The following NOX3 variants were observed in gnomAD, a reference collection of about 807,000 sequenced individuals.
The protein encoded by NOX3 is NADPH oxidase catalytic subunit-like 3.
Under a neutral mutation model 76.7 loss-of-function variants are expected in NOX3, and 74 were observed. The observed-to-expected ratio is 0.96, with a 90% CI of 0.80 to 1.17. The LOEUF (loss-of-function observed/expected upper bound fraction) is 1.17, where lower values mean the gene tolerates loss of function less well. Ranked by LOEUF, NOX3 falls within the 50% of genes most tolerant of loss-of-function variation. The probability of loss-of-function intolerance (pLI) is 0.00; values close to 1 mark genes in which losing one functional copy is unlikely to be tolerated. For missense variants in NOX3, 695 were observed against 703.3 expected, an observed-to-expected ratio of 0.99 and a Z score of 0.13; for synonymous variants, 263 against 261.1, an observed-to-expected ratio of 1.01 and a Z score of -0.07.
intron 10 of NOX3, among the ~76,000 whole-genome samples, chr6:155,411,673 A>G (rs1179645113): frequency 1.3e-5 from 2 of 152,244 alleles, no homozygotes; most frequent in African/African-American, 4.8e-5. Context: ...AATAATCATA[A>G]CTAGCTGTGC....
At chr6:155,399,784 G>T (rs1243711946) in intron 12 of NOX3, among the ~76,000 whole-genome samples, 1 of 151,902 alleles carries the variant, frequency 6.6e-6, no homozygotes, top group Non-Finnish European at 1.5e-5. Flanking sequence ...ACCCTAATGG[G>T]GTTGGTAAAG....
intron 9 of NOX3, among the ~76,000 whole-genome samples, chr6:155,428,579 T>C (rs2076471): frequency 0.23 from 32,637 of 144,108 alleles, 3,804 homozygotes; most frequent in Non-Finnish European, 0.27. Context: ...AACATTAGTC[T>C]TTTTTTCTTT....
chr6:155,396,122 A>G (rs892284037), intron 13 of NOX3, among the ~76,000 whole-genome samples: 7 of 152,202 alleles, frequency 4.6e-5, no homozygotes, highest in African/African-American at 1.7e-4. Context: ...GAAGGGCTTG[A>G]ATATATATCC....
rs773897630 is a variant in NOX3 at position 155,428,823 on chromosome 6, C to T, written c.1116G>A (p.Gln372=). 6 of 1,552,220 alleles carry T rather than the reference C, an allele frequency of 3.9e-6. No homozygotes were observed. Among genetic ancestry groups the T allele is most frequent in the Non-Finnish European group, 5.2e-6 (6 of 1,144,444 alleles). The change falls in exon 9 of 14, where the codon CAG becomes CAA. Residue 372 remains glutamine, a synonymous_variant. Transcript: ENST00000159060. ...GCAGGCTCCAGGGCTCCTGGAGGGC[C>T]TGTCCCTCTGCCCCAAAGGCCTCCA... ...ALLEAFGAEG[Q]ALQEPWSLPR...
chr6:155,398,357 T>C (rs1023421264), intron 12 of NOX3, among the ~76,000 whole-genome samples: 1 of 152,186 alleles, frequency 6.6e-6, no homozygotes, highest in African/African-American at 2.4e-5. Flanking sequence ...CACTATACCA[T>C]CTCTGTTTCT....
chr6:155,411,491 G>A (rs1229992698), intron 10 of NOX3, 131 bp from the exon 11 acceptor site: 1 of 670,452 alleles, frequency 1.5e-6, no homozygotes, highest in East Asian at 3.1e-5. Flanking sequence ...GCTTTTTTTT[G>A]TGTGTGTCAG....
intron 7 of NOX3, among the ~76,000 whole-genome samples, chr6:155,434,393 T>C (rs913636579): frequency 3.3e-5 from 5 of 152,226 alleles, no homozygotes; most frequent in Non-Finnish European, 7.3e-5. Flanking sequence ...ACCAGGAATC[T>C]GGAGTCCTGT....
At chr6:155,404,398 C>T (rs1320893421) in intron 12 of NOX3, among the ~76,000 whole-genome samples, 1 of 151,978 alleles carries the variant, frequency 6.6e-6, no homozygotes, top group Admixed American at 6.6e-5. Context: ...GGAAGCACCT[C>T]ATTTGGAGAG....
In NOX3 at chr6:155,453,396, G is replaced by C. The variant is rs1777171786; in HGVS notation, c.340+8C>G. On this transcript the variant is annotated splice_region_variant and intron_variant, in intron 4 of 13. Coordinates refer to ENST00000159060, the MANE Select transcript of NOX3 (RefSeq NM_015718.3). Reference sequence around the variant, plus strand: ...GTAAAATCCATTGAGCAATTAATAAGTACTTACTTGCATTAACAGCTATCC... The same window carrying C: ...GTAAAATCCATTGAGCAATTAATAACTACTTACTTGCATTAACAGCTATCC... The C allele has an allele frequency of 6.3e-7, 1 of 1,588,774 alleles. No homozygotes were observed. The highest frequency in any genetic ancestry group is 1.7e-5 in the Admixed American group (1 of 59,964).
intron 10 of NOX3, among the ~76,000 whole-genome samples, chr6:155,417,112 C>T (rs369270970): frequency 5.3e-5 from 8 of 152,110 alleles, no homozygotes; most frequent in African/African-American, 1.9e-4. Context: ...CTATGGAATA[C>T]TCTAAAGACA....
chr6:155,402,866 CT>C (rs1779250055), intron 12 of NOX3, among the ~76,000 whole-genome samples: 1 of 152,248 alleles, frequency 6.6e-6, no homozygotes, highest in Non-Finnish European at 1.5e-5. Context: ...AACAAAGAAC[CT>C]TTTCTGAGGC....
intron 8 of NOX3, 31 bp from the exon 9 acceptor site, chr6:155,429,078 T>C: frequency 6.7e-7 from 1 of 1,497,730 alleles, no homozygotes; most frequent in South Asian, 1.4e-5. Context: ...TGTTTGCCTT[T>C]GTCCTCGAAA....
chr6:155,442,372 A>G (rs2114704502), intron 5 of NOX3, among the ~76,000 whole-genome samples: 2 of 152,354 alleles, frequency 1.3e-5, no homozygotes, highest in East Asian at 3.9e-4. Context: ...GGGACATGAC[A>G]TGGAACAAGT....
rs144018633 is a variant in NOX3 at position 155,418,931 on chromosome 6, C to G, written c.1308+3763G>C. Among the ~76,000 whole-genome samples, 2 of 152,360 alleles carry G rather than the reference C, an allele frequency of 1.3e-5. 1 individual carries two copies. The highest frequency in any genetic ancestry group is 3.9e-4 in the East Asian group (2 of 5,188). Reference sequence around the variant, plus strand: ...AAAATCCCACCTAATCGCAGTTAACCATTTAAGCTTAAAATTCTGGCTCTC... The same window carrying G: ...AAAATCCCACCTAATCGCAGTTAACGATTTAAGCTTAAAATTCTGGCTCTC... On this transcript the variant is annotated intron_variant, in intron 10 of 13. Transcript: ENST00000159060.
intron 11 of NOX3, among the ~76,000 whole-genome samples, chr6:155,410,215 T>C (rs1044679915): frequency 2.1e-4 from 32 of 152,210 alleles, no homozygotes; most frequent in African/African-American, 7.2e-4. Context: ...ACCATAAAAA[T>C]TCATTAAGCT....
chr6:155,454,508 A>G (rs1343062337), intron 3 of NOX3, among the ~76,000 whole-genome samples: 3 of 152,220 alleles, frequency 2.0e-5, no homozygotes, highest in African/African-American at 7.2e-5. Flanking sequence ...GTCTTCTTTC[A>G]GTCAGAAACA....
rs751547056 is a variant in NOX3 at position 155,455,792 on chromosome 6, C to A, written c.9G>T (p.Gly3=). The A allele has an allele frequency of 1.1e-5, 18 of 1,613,716 alleles. No individual in the cohort carries two copies. Among genetic ancestry groups the A allele is most frequent in the South Asian group, 2.2e-5 (2 of 91,074 alleles). The change falls in exon 1 of 14, where the codon GGG becomes GGT. Residue 3 remains glycine, a synonymous_variant. Coordinates refer to ENST00000159060, the MANE Select transcript of NOX3 (RefSeq NM_015718.3). ...AGAGACCCTCATTCAAAATCCAGCACCCCATCATGATACTTGTTGCTCTTC... is the reference window on the plus strand; with the variant it reads ...AGAGACCCTCATTCAAAATCCAGCAACCCATCATGATACTTGTTGCTCTTC... MM[G]CWILNEGLST... is the part of the protein sequence containing the mutation.
At chr6:155,444,721 C>T (rs1423998970) in intron 4 of NOX3, among the ~76,000 whole-genome samples, 1 of 152,138 alleles carries the variant, frequency 6.6e-6, no homozygotes, top group East Asian at 1.9e-4. Context: ...AAAAGCATTA[C>T]ATTTGTGGGT....
chr6:155,410,437 T>A (rs1776527300), intron 11 of NOX3, among the ~76,000 whole-genome samples: 1 of 152,204 alleles, frequency 6.6e-6, no homozygotes, highest in Non-Finnish European at 1.5e-5. Context: ...ATATCAATAA[T>A]AGCTGCTGAT....
Sources: allele counts gnomAD v4.1 joint callset (sites outside exome capture counted in the v4.1 genomes callset), GRCh38; gene constraint gnomAD v4.1.1; transcripts MANE v1.5; gene names NCBI Gene and HGNC (gene_info 2026-07-23, HGNC 2026-07-21).